The following ASCC3 variants were observed in gnomAD, a reference collection of about 807,000 sequenced individuals.
The protein encoded by ASCC3 is ASC-1 complex subunit P200.
Under a neutral mutation model 256.3 loss-of-function variants are expected in ASCC3, and 158 were observed. The observed-to-expected ratio is 0.62, with a 90% CI of 0.54 to 0.70. The LOEUF (loss-of-function observed/expected upper bound fraction) is 0.70. Ranked by LOEUF, ASCC3 falls within the 30% of genes least tolerant of loss-of-function variation. The pLI is 0.00. For synonymous variants in ASCC3, 948 were observed against 883.4 expected (o/e 1.07, Z -1.30); for missense variants, 2,259 against 2,626.0 (o/e 0.86, Z 3.05).
chr6:100,777,604 T>G (rs1782252494), intron 8 of ASCC3, among the ~76,000 whole-genome samples: 3 of 152,092 alleles, frequency 2.0e-5, no homozygotes, highest in Admixed American at 2.0e-4. Flanking sequence ...GAAAGGTGCC[T>G]CAAGAGAGGT....
intron 10 of ASCC3, among the ~76,000 whole-genome samples, chr6:100,727,321 G>A (rs1050700639): frequency 6.6e-6 from 1 of 151,804 alleles, no homozygotes; most frequent in African/African-American, 2.4e-5. Flanking sequence ...AATGAAGAAC[G>A]TCACGCCCAA....
intron 13 of ASCC3, among the ~76,000 whole-genome samples, chr6:100,705,424 A>G (rs1052509253): frequency 1.3e-5 from 2 of 152,068 alleles, no homozygotes; most frequent in African/African-American, 4.8e-5. Flanking sequence ...TTTATTTAAG[A>G]TAAAACTGTT....
rs554863982 is a variant in ASCC3, at chr6:100,625,123, T to C, written c.4785+69A>G. ...TCTTTCCCTATAATACAATTACATA[T>C]GTAATGATCATTCTAATATAATACA... is the stretch of plus-strand genomic sequence containing the variant. On this transcript the variant is annotated intron_variant, in intron 30 of 41. Coordinates refer to ENST00000369162, the MANE Select transcript of ASCC3 (RefSeq NM_006828.4). 2.9e-5 allele frequency: 45 copies of C among 1,558,524 alleles called. No individual in the cohort carries two copies. In the East Asian group the frequency reaches 9.7e-4, roughly 34 times the overall value.
chr6:100,605,246 T>C (rs1772821362), intron 33 of ASCC3, among the ~76,000 whole-genome samples: 1 of 152,124 alleles, frequency 6.6e-6, no homozygotes, highest in Admixed American at 6.6e-5. Context: ...CATTTTACAA[T>C]AGGTGCAATA....
chr6:100,565,492 G>A (rs1249077061), intron 36 of ASCC3, among the ~76,000 whole-genome samples: 1 of 152,004 alleles, frequency 6.6e-6, no homozygotes, highest in African/African-American at 2.4e-5. Flanking sequence ...AAATAGATGA[G>A]CACTCTTAGG....
intron 36 of ASCC3, among the ~76,000 whole-genome samples, chr6:100,588,306 G>A (rs560973579): frequency 2.6e-5 from 4 of 152,230 alleles, no homozygotes; most frequent in South Asian, 4.1e-4. Flanking sequence ...ATGGTTAAAT[G>A]TGAGATTAGA....
At chr6:100,811,344 A>C (rs1770459875) in intron 4 of ASCC3, among the ~76,000 whole-genome samples, 1 of 152,168 alleles carries the variant, frequency 6.6e-6, no homozygotes, top group South Asian at 2.1e-4. Flanking sequence ...CCTTTCTCAA[A>C]TCTTTCTCCC....
intron 23 of ASCC3, 115 bp downstream of exon 23, chr6:100,643,916 A>C: frequency 2.8e-6 from 2 of 703,938 alleles, no homozygotes; most frequent in Non-Finnish European, 4.7e-6. Flanking sequence ...GGAAACTAAA[A>C]CATAAAATAA....
intron 36 of ASCC3, among the ~76,000 whole-genome samples, chr6:100,573,708 G>C (rs1260120250): frequency 6.6e-6 from 1 of 152,006 alleles, no homozygotes; most frequent in Non-Finnish European, 1.5e-5. Flanking sequence ...TCACTAAGCA[G>C]AGACTTACTA....
intron 4 of ASCC3, among the ~76,000 whole-genome samples, chr6:100,818,748 C>CAA (rs56668191): frequency 2.3e-3 from 136 of 58,100 alleles, no homozygotes; most frequent in Admixed American, 5.2e-3. Context: ...AGGCAAAAGC[C>CAA]AAAAAAAAAA....
intron 11 of ASCC3, among the ~76,000 whole-genome samples, chr6:100,722,559 CTTTGT>C (rs1779392140): frequency 6.6e-6 from 1 of 151,718 alleles, no homozygotes; most frequent in Non-Finnish European, 1.5e-5. Context: ...TAAGCAAGAA[CTTTGT>C]TTTGTTTATC....
intron 2 of ASCC3, among the ~76,000 whole-genome samples, chr6:100,865,287 C>A (rs1773423978): frequency 6.6e-6 from 1 of 152,144 alleles, no homozygotes; most frequent in Admixed American, 6.5e-5. Context: ...CATTATACCA[C>A]TTTCCTTCCT....
intron 5 of ASCC3, among the ~76,000 whole-genome samples, chr6:100,803,787 T>C (rs1770037997): frequency 1.3e-5 from 2 of 152,186 alleles, no homozygotes. Flanking sequence ...ATTTAAATTA[T>C]AGCTGTTTTT....
chr6:100,881,025 C>T (rs1453016829), intron 1 of ASCC3, 36 bp downstream of exon 1: 1 of 152,258 alleles, frequency 6.6e-6, no homozygotes, highest in African/African-American at 2.4e-5. Context: ...CGCGGCGACC[C>T]TTCTCGTCCT....
chr6:100,818,748 CAAAAA>C (rs56668191), intron 4 of ASCC3, among the ~76,000 whole-genome samples: 21,005 of 59,898 alleles, frequency 0.35, 1,258 homozygotes, highest in Admixed American at 0.43. Context: ...AGGCAAAAGC[CAAAAA>C]AAAAAAAAAA....
At chr6:100,731,245 G>C (rs1345297956) in intron 10 of ASCC3, among the ~76,000 whole-genome samples, 1 of 152,114 alleles carries the variant, frequency 6.6e-6, no homozygotes, top group East Asian at 1.9e-4. Context: ...TCCAGACTAT[G>C]TGTGTTTACA....
chr6:100,585,511 T>G (rs946501720), intron 36 of ASCC3, among the ~76,000 whole-genome samples: 14 of 152,222 alleles, frequency 9.2e-5, no homozygotes, highest in Non-Finnish European at 1.6e-4. Flanking sequence ...TCAGTTTCTT[T>G]GCCTTTGGTT....
intron 4 of ASCC3, among the ~76,000 whole-genome samples, chr6:100,813,377 A>T (rs1770577824): frequency 6.6e-6 from 1 of 151,958 alleles, no homozygotes; most frequent in Non-Finnish European, 1.5e-5. Context: ...AAGCACTTGA[A>T]CCTGGGGAGG....
chr6:100,744,934 G>C (rs907474176), intron 10 of ASCC3, among the ~76,000 whole-genome samples: 1 of 152,174 alleles, frequency 6.6e-6, no homozygotes, highest in Non-Finnish European at 1.5e-5. Flanking sequence ...AAAGCCAAGA[G>C]ACTGTAAGCT....
Sources: allele counts gnomAD v4.1 joint callset (sites outside exome capture counted in the v4.1 genomes callset), GRCh38; gene constraint gnomAD v4.1.1; transcripts MANE v1.5; gene names NCBI Gene and HGNC (gene_info 2026-07-23, HGNC 2026-07-21).